SYNDIG1L: variants seen among roughly 807,000 people sequenced by gnomAD.
SYNDIG1L encodes synapse differentiation inducing 1 like, also known as synapse differentiation-inducing gene protein 1-like.
SYNDIG1L carries 13 observed loss-of-function variants against 20.1 expected under a neutral mutation model. The observed-to-expected ratio is 0.65, with a 90% CI of 0.42 to 1.03. The LOEUF is 1.03. Ranked by LOEUF, SYNDIG1L falls within the 50% of genes least tolerant of loss-of-function variation. The probability of loss-of-function intolerance (pLI) is 0.00; values close to 1 mark genes in which losing one functional copy is unlikely to be tolerated. For missense variants in SYNDIG1L, 294 were observed against 305.1 expected (o/e 0.96, Z 0.27); for synonymous variants, 128 against 129.3 (o/e 0.99, Z 0.07).
At chr14:74,423,723 A>C (rs1423935187) in intron 1 of SYNDIG1L, among the ~76,000 whole-genome samples, 1 of 152,186 alleles carries the variant, frequency 6.6e-6, no homozygotes, top group East Asian at 1.9e-4. Flanking sequence ...CACGTAACAC[A>C]AATATAAATT....
chr14:74,451,728 A>G, the SYNDIG1L span, among the ~76,000 whole-genome samples: 1 of 152,358 alleles, frequency 6.6e-6, no homozygotes, highest in South Asian at 2.1e-4. Context: ...ACGGTGGCTC[A>G]TGCCTGTAAT....
chr14:74,470,522 C>T, the SYNDIG1L span, among the ~76,000 whole-genome samples: 2 of 152,192 alleles, frequency 1.3e-5, no homozygotes, highest in African/African-American at 4.8e-5. Flanking sequence ...TAGAGCTGAG[C>T]CACAGACTTG....
the SYNDIG1L span, among the ~76,000 whole-genome samples, chr14:74,470,411 T>C: frequency 6.6e-6 from 1 of 152,172 alleles, no homozygotes; most frequent in African/African-American, 2.4e-5. Context: ...GGATACACTC[T>C]AGAAACAACA....
chr14:74,476,324 T>C, the SYNDIG1L span: 1 of 638,590 alleles, frequency 1.6e-6, no homozygotes, highest in Non-Finnish European at 2.8e-6. Flanking sequence ...TCCATTTGTC[T>C]GCCAGGCTCC....
chr14:74,468,743 A>T, the SYNDIG1L span, among the ~76,000 whole-genome samples: 5 of 151,642 alleles, frequency 3.3e-5, no homozygotes, highest in African/African-American at 9.7e-5. Context: ...CATCCCACAC[A>T]CCAGTCTTGT....
At chr14:74,450,927 G>T in the SYNDIG1L span, among the ~76,000 whole-genome samples, 4 of 152,154 alleles carry the variant, frequency 2.6e-5, no homozygotes, top group Admixed American at 6.5e-5. Context: ...AAATGTTACT[G>T]AAAGAAATTA....
Position 74,409,678 on chromosome 14 carries a change from AG to A in SYNDIG1L, c.66del (p.Tyr23IlefsTer21). 6.7e-7 allele frequency: 1 copy of A among 1,492,976 alleles called. No individual in the cohort carries two copies. The highest frequency in any genetic ancestry group is 8.9e-7 in the Non-Finnish European group (1 of 1,121,744). 92.5% of individuals were successfully genotyped at this position (1,492,976 alleles called of 1,614,324 possible). A position where few individuals can be genotyped will look rare whatever the true frequency, so the allele number is the denominator to read the frequency against. ...LPRSPAHLHG[P>X]YPYPETPPSW... The stretch of plus-strand genomic sequence containing the variant: ...CTGGGTGGGGTCTCCGGGTAGGGAT[AG>A]GGGCCATGGAGATGGGCAGGGCTCC... On this transcript the variant is annotated frameshift_variant, in exon 2 of 4. Transcript: ENST00000331628. LOFTEE classifies it high-confidence loss of function.
the SYNDIG1L span, among the ~76,000 whole-genome samples, chr14:74,448,680 T>A: frequency 1.3e-5 from 2 of 152,196 alleles, no homozygotes; most frequent in Non-Finnish European, 2.9e-5. Flanking sequence ...ATATAAAGTG[T>A]GTTCTCTGAT....
chr14:74,449,632 AAAAAAG>A, the SYNDIG1L span, among the ~76,000 whole-genome samples: 48 of 151,202 alleles, frequency 3.2e-4, 1 homozygote, highest in African/African-American at 9.7e-4. Context: ...AAGAAAAAAG[AAAAAAG>A]AAAAAGAAAA....
chr14:74,412,418 G>A (rs114262283), intron 1 of SYNDIG1L, among the ~76,000 whole-genome samples: 1,669 of 152,232 alleles, frequency 0.011, 30 homozygotes, highest in African/African-American at 0.038. Context: ...TTCCATGCCC[G>A]GTCCACCCCC....
chr14:74,453,741 T>C, the SYNDIG1L span, among the ~76,000 whole-genome samples: 26 of 152,028 alleles, frequency 1.7e-4, no homozygotes, highest in African/African-American at 6.0e-4. Context: ...TCACTTGAGG[T>C]AAGGAGTTCG....
intron 1 of SYNDIG1L, among the ~76,000 whole-genome samples, chr14:74,423,683 GAT>G (rs984417958): frequency 1.2e-3 from 61 of 52,550 alleles, no homozygotes; most frequent in South Asian, 6.3e-3. Context: ...CATTTTGATT[GAT>G]ATATATATAC....
rs371094082 is a variant in SYNDIG1L, at chr14:74,409,555, C to G, written c.190G>C (p.Val64Leu). The G allele has an allele frequency of 6.5e-7, 1 of 1,540,284 alleles. No individual in the cohort carries two copies. Among genetic ancestry groups the G allele is most frequent in the Non-Finnish European group, 8.7e-7 (1 of 1,144,280 alleles). The part of the protein sequence containing the change: ...LLDPGSLQLA[V>L]EAWYRPSCLL... The stretch of plus-strand genomic sequence containing the variant: ...CAGCTGGGCCGGTACCAGGCCTCCA[C>G]GGCCAGCTGCAGGGACCCTGGGTCC... The change falls in exon 2 of 4, where the codon GTG becomes CTG. Residue 64 changes from valine to leucine, a missense_variant. Coordinates refer to ENST00000331628, the MANE Select transcript of SYNDIG1L (RefSeq NM_001105579.2).
the SYNDIG1L span, among the ~76,000 whole-genome samples, chr14:74,433,711 A>C: frequency 6.6e-6 from 1 of 152,082 alleles, no homozygotes; most frequent in Non-Finnish European, 1.5e-5. Context: ...ACAACCCCAC[A>C]AGGTAGGTAC....
chr14:74,460,488 G>A, the SYNDIG1L span, among the ~76,000 whole-genome samples: 3 of 152,114 alleles, frequency 2.0e-5, no homozygotes, highest in South Asian at 2.1e-4. Context: ...TCCTGCAGGC[G>A]GGCTACAACC....
At chr14:74,408,283 G>A (rs1221076617) in intron 2 of SYNDIG1L, among the ~76,000 whole-genome samples, 3 of 152,160 alleles carry the variant, frequency 2.0e-5, no homozygotes, top group Non-Finnish European at 4.4e-5. Flanking sequence ...CTCTCAATGG[G>A]CCAGTCACAG....
At position 74,409,949 on chromosome 14, in the gene SYNDIG1L, C is replaced by G. The variant is rs1020019817; in HGVS notation, c.-57-148G>C. 1.7e-5 allele frequency: 9 copies of G among 543,844 alleles called. No homozygotes were observed. The Admixed American group carries it at 1.7e-4, about 10-fold the overall frequency. The allele number at this position is 543,844 out of a possible 1,614,324, so 33.7% of individuals were successfully genotyped here. A position where few individuals can be genotyped will look rare whatever the true frequency, so the allele number is the denominator to read the frequency against. On this transcript the variant is annotated intron_variant, in intron 1 of 3. Transcript: ENST00000331628. ...ATGCAGGACCTGGAACTGGCTACTTCACTTCTCAGGGCCTCCGTTTCTTTG... is the reference window on the plus strand; with the variant it reads ...ATGCAGGACCTGGAACTGGCTACTTGACTTCTCAGGGCCTCCGTTTCTTTG...
At chr14:74,421,122 T>G (rs543221323) in intron 1 of SYNDIG1L, among the ~76,000 whole-genome samples, 4 of 152,336 alleles carry the variant, frequency 2.6e-5, no homozygotes, top group African/African-American at 9.6e-5. Flanking sequence ...AAAAATTTTT[T>G]GAATTCATAT....
At chr14:74,412,754 GC>G (rs887914668) in intron 1 of SYNDIG1L, among the ~76,000 whole-genome samples, 1 of 152,168 alleles carries the variant, frequency 6.6e-6, no homozygotes, top group Non-Finnish European at 1.5e-5. Context: ...CCCCTGTACT[GC>G]CCCAGTTGCA....
Sources: gnomAD v4.1 joint callset for allele counts (sites outside exome capture counted in the v4.1 genomes callset) on GRCh38, gnomAD v4.1.1 for gene constraint, MANE v1.5 for transcripts, NCBI Gene and HGNC (gene_info 2026-07-23, HGNC 2026-07-21) for gene names.